Variants in ZNF197 observed in about 807,000 individuals in gnomAD.
ZNF197 encodes the protein zinc finger protein 197.
In ZNF197, 14 loss-of-function variants were observed where a neutral mutation model predicts 27.4. The ratio of observed to expected loss-of-function variants is 0.51; its 90% CI spans 0.34 to 0.80. ZNF197 has a LOEUF of 0.80. Among genes scored for constraint, ZNF197 ranks in the 30% least tolerant of loss-of-function variants. ZNF197 has a pLI of 0.02. For synonymous variants in ZNF197, 415 were observed against 420.0 expected (o/e 0.99, Z 0.15); for missense variants, 1,090 against 1,222.6 (o/e 0.89, Z 1.62).
intron 3 of ZNF197, 89 bp from the exon 4 acceptor site, chr3:44,632,016 T>G: frequency 8.5e-7 from 1 of 1,170,676 alleles, no homozygotes; most frequent in Non-Finnish European, 1.3e-6. Flanking sequence ...TCATTCTTAC[T>G]GCTACTCTTT....
At position 44,643,170 on chromosome 3, in the gene ZNF197, T is replaced by C. The variant is rs2125824596; in HGVS notation, c.2040T>C (p.Cys680=). 2 of 1,612,544 alleles carry C rather than the reference T, an allele frequency of 1.2e-6. No homozygotes were observed. Among genetic ancestry groups the C allele is most frequent in the African/African-American group, 2.7e-5 (2 of 74,796 alleles). ...RFHTGENLYE[C]KDCGKVFGSN... Reference sequence around the variant, plus strand: ...ACACTGGAGAGAATCTCTATGAATGTAAAGATTGTGGTAAGGTCTTCGGTT... The same window carrying C: ...ACACTGGAGAGAATCTCTATGAATGCAAAGATTGTGGTAAGGTCTTCGGTT... The change falls in exon 6 of 6, where the codon TGT becomes TGC. Residue 680 remains cysteine (C), a synonymous_variant. Transcript: ENST00000344387.
Position 44,629,313 on chromosome 3 carries a change from A to C in ZNF197, c.159A>C (p.Thr53=). ...TTAGACAATTACGTTACCATGAGAC[A>C]TCTGGACCCCAGGAAGCCCTGAGCC... ...LHFRQLRYHE[T]SGPQEALSRL... The change falls in exon 2 of 6, where the codon ACA becomes ACC. Residue 53 remains threonine, a synonymous_variant. Coordinates refer to ENST00000344387, the MANE Select transcript of ZNF197 (RefSeq NM_006991.5). 1 of 1,614,152 alleles carries C rather than the reference A, an allele frequency of 6.2e-7. No individual in the cohort carries two copies.
At position 44,643,258 on chromosome 3, in the gene ZNF197, G is replaced by C. The variant is rs141774699; in HGVS notation, c.2128G>C (p.Glu710Gln). The change falls in exon 6 of 6, where the codon GAG (glutamate) becomes CAG (glutamine). Residue 710 changes from glutamate (E) to glutamine (Q), a missense_variant. Coordinates refer to ENST00000344387, the MANE Select transcript of ZNF197 (RefSeq NM_006991.5). The part of the protein sequence containing the change: ...HNGEKPYECR[E>Q]CGKTFIMSKS... ...TGGGGAGAAGCCATATGAATGTCGA[G>C]AGTGTGGGAAAACCTTTATTATGAG... 16 of 1,614,136 alleles carry C rather than the reference G, an allele frequency of 9.9e-6. No homozygotes were observed. The East Asian group carries it at 3.6e-4, about 36-fold the overall frequency.
At position 44,643,848 on chromosome 3, in the gene ZNF197, G is replaced by A; in HGVS notation, c.2718G>A (p.Glu906=). The A allele has an allele frequency of 6.2e-7, 1 of 1,613,624 alleles. No homozygotes were observed. The highest frequency in any genetic ancestry group is 8.5e-7 in the Non-Finnish European group (1 of 1,179,918). ...HTGEKPYKCN[E]CGKDFSQNKN... ...GAGAGAAACCTTATAAATGTAATGAGTGTGGAAAAGACTTTAGTCAGAATA... is the reference window on the plus strand; with the variant it reads ...GAGAGAAACCTTATAAATGTAATGAATGTGGAAAAGACTTTAGTCAGAATA... The change falls in exon 6 of 6, where the codon GAG becomes GAA. Residue 906 remains glutamate, a synonymous_variant. Coordinates refer to ENST00000344387, the MANE Select transcript of ZNF197 (RefSeq NM_006991.5).
intron 1 of ZNF197, among the ~76,000 whole-genome samples, chr3:44,627,461 TAG>T (rs1438016714): frequency 1.3e-5 from 2 of 152,164 alleles, no homozygotes; most frequent in Non-Finnish European, 2.9e-5. Context: ...CTTTTGAAAA[TAG>T]AGTTTCTTTC....
At chr3:44,635,168 TAAAA>T (rs35139527) in intron 5 of ZNF197, among the ~76,000 whole-genome samples, 1 of 129,564 alleles carries the variant, frequency 7.7e-6, no homozygotes, top group African/African-American at 2.9e-5. Context: ...AGAGTTAAAC[TAAAA>T]AAAAAAAAAA....
chr3:44,625,748 GCGCA>G lies in ZNF197; in HGVS notation c.-82+607_-82+610del, dbSNP rs1395073910. On this transcript the variant is annotated intron_variant, in intron 1 of 5. Coordinates refer to ENST00000344387, the MANE Select transcript of ZNF197 (RefSeq NM_006991.5). ...TAAATGCTGGCCTTTGCGCGCGCGC[GCGCA>G]CACACACACACACACACACACACAC... 3.3e-3 allele frequency among the ~76,000 whole-genome samples: 303 copies of G among 90,902 alleles called. 2 individuals carry two copies. Among genetic ancestry groups the G allele is most frequent in the African/African-American group, 0.012 (282 of 23,252 alleles). The allele number at this position is 90,902 out of a possible 152,430, so 59.6% of individuals were successfully genotyped here. A position where few individuals can be genotyped will look rare whatever the true frequency, so the allele number is the denominator to read the frequency against.
intron 5 of ZNF197, among the ~76,000 whole-genome samples, chr3:44,638,765 C>T (rs1702441649): frequency 6.6e-6 from 1 of 152,210 alleles, no homozygotes; most frequent in South Asian, 2.1e-4. Context: ...GTGATCACGG[C>T]TCACTACATC....
rs754653373 is a variant in ZNF197, at chr3:44,642,906, A to G, written c.1776A>G (p.Lys592=). 1 of 1,614,080 alleles carries G rather than the reference A, an allele frequency of 6.2e-7. No homozygotes were observed. The highest frequency in any genetic ancestry group is 1.3e-5 in the African/African-American group (1 of 75,018). Residue 592 remains lysine (K), a synonymous_variant, in exon 6 of 6, where the codon AAA becomes AAG. Transcript: ENST00000344387. ...LLHQRVHTEK[K]TFGCKKCGKI... ...ATCAGAGAGTCCACACAGAAAAGAA[A>G]ACCTTTGGTTGTAAAAAGTGTGGGA... is the stretch of plus-strand genomic sequence containing the variant.
intron 5 of ZNF197, among the ~76,000 whole-genome samples, chr3:44,639,963 G>C (rs953869134): frequency 6.6e-6 from 1 of 152,158 alleles, no homozygotes; most frequent in Non-Finnish European, 1.5e-5. Context: ...TAGGTGTTTT[G>C]TGCAGGTAAG....
intron 1 of ZNF197, among the ~76,000 whole-genome samples, chr3:44,628,234 G>A (rs1701779373): frequency 6.6e-6 from 1 of 152,150 alleles, no homozygotes. Context: ...AATAATAGCA[G>A]TGATTGTTTT....
chr3:44,629,664 C>G (rs1488901195), intron 2 of ZNF197, 120 bp downstream of exon 2: 2 of 1,264,290 alleles, frequency 1.6e-6, no homozygotes, highest in African/African-American at 3.0e-5. Context: ...AGCACACTAG[C>G]AACCTTAATG....
rs760866156 is a variant in ZNF197 at position 44,646,447 on chromosome 3, T to C, written c.*2227T>C. 6 of 1,612,976 alleles carry C rather than the reference T, an allele frequency of 3.7e-6. No homozygotes were observed. The highest frequency in any genetic ancestry group is 5.1e-6 in the Non-Finnish European group (6 of 1,179,558). On this transcript the variant is annotated 3_prime_UTR_variant, in exon 6 of 6. Coordinates refer to ENST00000344387, the MANE Select transcript of ZNF197 (RefSeq NM_006991.5). The stretch of plus-strand genomic sequence containing the variant: ...TTCTGTGATGTAATAAGCTGAAAAA[T>C]GTTCAACCTGAATTTAATCAAGCTT...
rs942576169 is a variant in ZNF197, at chr3:44,631,164, A to G, written c.493A>G (p.Ile165Val). ...TCCTGGCAGCCACATAGCAGCTGAA[A>G]TTTGCCCGCATCCTCCTACTGACCT... ...VLPGSHIAAE[I>V]CPHPPTDLVA... Residue 165 changes from isoleucine (I) to valine (V), a missense_variant, in exon 3 of 6, where the codon ATT becomes GTT. By Grantham distance (29) the Ile-to-Val change is conservative (BLOSUM62 3). Transcript: ENST00000344387. 10 of 1,613,922 alleles carry G rather than the reference A, an allele frequency of 6.2e-6. No homozygotes were observed. Among genetic ancestry groups the G allele is most frequent in the African/African-American group, 1.3e-5 (1 of 74,868 alleles).
chr3:44,643,582 T>C lies in ZNF197; in HGVS notation c.2452T>C (p.Tyr818His), dbSNP rs746223812. 6.2e-7 allele frequency: 1 copy of C among 1,614,174 alleles called. No individual in the cohort carries two copies. Among genetic ancestry groups the C allele is most frequent in the South Asian group, 1.1e-5 (1 of 91,084 alleles). Residue 818 changes from tyrosine (Y) to histidine (H), a missense_variant, in exon 6 of 6, where the codon TAT becomes CAT. Coordinates refer to ENST00000344387, the MANE Select transcript of ZNF197 (RefSeq NM_006991.5). The part of the protein sequence containing the change: ...HQRIHTREKS[Y>H]KCNDCGKVFS... ...GAGAATTCACACGAGGGAAAAATCTTATAAATGCAATGACTGTGGGAAGGT... is the reference window on the plus strand; with the variant it reads ...GAGAATTCACACGAGGGAAAAATCTCATAAATGCAATGACTGTGGGAAGGT...
chr3:44,630,695 A>G, intron 2 of ZNF197: 1 of 373,038 alleles, frequency 2.7e-6, no homozygotes, highest in Non-Finnish European at 5.3e-6. Flanking sequence ...CAATAAGTAG[A>G]TGGTAAATAA....
intron 3 of ZNF197, among the ~76,000 whole-genome samples, chr3:44,631,693 A>G (rs983017611): frequency 1.3e-4 from 16 of 127,130 alleles, no homozygotes; most frequent in Admixed American, 5.1e-4. Flanking sequence ...GAGCCACTGC[A>G]CCCGGCCATT....
Position 44,643,583 on chromosome 3 carries a change from A to G in ZNF197, c.2453A>G (p.Tyr818Cys), listed in dbSNP as rs1334590625. Residue 818 changes from tyrosine (Y) to cysteine (C), a missense_variant, in exon 6 of 6, where the codon TAT becomes TGT. Physicochemically the swap from Tyr to Cys is radical, Grantham distance 194. Coordinates refer to ENST00000344387, the MANE Select transcript of ZNF197 (RefSeq NM_006991.5). ...AGAATTCACACGAGGGAAAAATCTT[A>G]TAAATGCAATGACTGTGGGAAGGTC... ...HQRIHTREKS[Y>C]KCNDCGKVFS... 2 of 1,614,106 alleles carry G rather than the reference A, an allele frequency of 1.2e-6. No homozygotes were observed. The highest frequency in any genetic ancestry group is 2.2e-5 in the East Asian group (1 of 44,896).
chr3:44,643,899 G>C lies in ZNF197; in HGVS notation c.2769G>C (p.Met923Ile). ...QNKNLVVHQR[M>I]HTGEKPYECD... ...AAAACCTTGTTGTACATCAGAGAAT[G>C]CACACTGGGGAAAAACCTTATGAGT... Residue 923 changes from methionine (M) to isoleucine (I), a missense_variant, in exon 6 of 6, where the codon ATG becomes ATC. Coordinates refer to ENST00000344387, the MANE Select transcript of ZNF197 (RefSeq NM_006991.5). The C allele has an allele frequency of 6.2e-7, 1 of 1,613,822 alleles. No individual in the cohort carries two copies. Among genetic ancestry groups the C allele is most frequent in the Non-Finnish European group, 8.5e-7 (1 of 1,179,946 alleles).
Sources: gnomAD v4.1 joint callset for allele counts (sites outside exome capture counted in the v4.1 genomes callset) on GRCh38, gnomAD v4.1.1 for gene constraint, MANE v1.5 for transcripts, NCBI Gene and HGNC (gene_info 2026-07-23, HGNC 2026-07-21) for gene names.